The following ENPP3 variants were observed in gnomAD, a reference collection of about 807,000 sequenced individuals.
The protein encoded by ENPP3 is ectonucleotide pyrophosphatase/phosphodiesterase 3, also known as ectonucleotide pyrophosphatase/phosphodiesterase family member 3.
ENPP3 carries 104 observed loss-of-function variants against 117.8 expected under a neutral mutation model. The ratio of observed to expected loss-of-function variants is 0.88; its 90% confidence interval spans 0.75 to 1.04. ENPP3 has a LOEUF of 1.04. Ranked by LOEUF, ENPP3 falls within the 50% of genes least tolerant of loss-of-function variation. The probability of loss-of-function intolerance (pLI) is 0.00; values close to 1 mark genes in which losing one functional copy is unlikely to be tolerated. For missense variants in ENPP3, 1,026 were observed against 1,051.9 expected (o/e 0.98, Z 0.34); for synonymous variants, 380 against 349.9 (o/e 1.09, Z -0.96).
intron 3 of ENPP3, among the ~76,000 whole-genome samples, chr6:131,651,249 T>A (rs991761606): frequency 6.6e-6 from 1 of 152,150 alleles, no homozygotes; most frequent in Admixed American, 6.5e-5. Context: ...CATTTCTAAA[T>A]AAGGTCACAT....
chr6:131,693,894 C>A (rs183289845), intron 15 of ENPP3, among the ~76,000 whole-genome samples: 35 of 152,188 alleles, frequency 2.3e-4, no homozygotes, highest in Non-Finnish European at 1.5e-5. Context: ...CACCTTCCTA[C>A]CCCCACTATG....
intron 5 of ENPP3, among the ~76,000 whole-genome samples, chr6:131,653,633 CT>C (rs1778312414): frequency 6.6e-6 from 1 of 152,060 alleles, no homozygotes; most frequent in African/African-American, 2.4e-5. Flanking sequence ...CTAGGTTGAT[CT>C]TGATCTCCTG....
At chr6:131,712,879 AC>A (rs1227954080) in intron 15 of ENPP3, among the ~76,000 whole-genome samples, 9 of 150,354 alleles carry the variant, frequency 6.0e-5, no homozygotes, top group Admixed American at 6.0e-4. Flanking sequence ...CATGTGCCTC[AC>A]CTTCCTGAAA....
intron 24 of ENPP3, among the ~76,000 whole-genome samples, chr6:131,744,149 T>A (rs1780585000): frequency 6.6e-6 from 1 of 152,236 alleles, no homozygotes; most frequent in Non-Finnish European, 1.5e-5. Flanking sequence ...CACAATTTTA[T>A]CCCACACTTG....
At chr6:131,739,850 C>A (rs1008968055) in intron 23 of ENPP3, among the ~76,000 whole-genome samples, 1 of 151,182 alleles carries the variant, frequency 6.6e-6, no homozygotes, top group Non-Finnish European at 1.5e-5. Context: ...GTGGGAGGAT[C>A]ATTTGAGCCC....
rs145928605 is a variant in ENPP3 at position 131,717,334 on chromosome 6, A to G, written c.1413-1338A>G. Among the ~76,000 whole-genome samples, 135 of 147,526 alleles carry G rather than the reference A, an allele frequency of 9.2e-4. 1 individual carries two copies. In the East Asian group the frequency reaches 0.024, roughly 26 times the overall value. ...AGTCGAGTCGAGTTTGTAAAAACAA[A>G]CAGAAACCCTGCGGGGGGTGTGTGT... On this transcript the variant is annotated intron_variant, in intron 15 of 24. Transcript: ENST00000357639.
intron 8 of ENPP3, 171 bp downstream of exon 8, chr6:131,674,452 A>G (rs1341739121): frequency 6.0e-6 from 4 of 664,108 alleles, no homozygotes; most frequent in African/African-American, 1.8e-5. Context: ...TAAAACATTT[A>G]TGGTTGTTAA....
At position 131,641,681 on chromosome 6, in the gene ENPP3, G is replaced by A. The variant is rs146083833; in HGVS notation, c.154+151G>A. ...TCTCCCTTTCCCCACTCTACTTATCGGGAGTCCACATCTGAGGTTGGCATT... is the reference window on the plus strand; with the variant it reads ...TCTCCCTTTCCCCACTCTACTTATCAGGAGTCCACATCTGAGGTTGGCATT... On this transcript the variant is annotated intron_variant, in intron 2 of 24. Coordinates refer to ENST00000357639, the MANE Select transcript of ENPP3 (RefSeq NM_005021.5). The A allele has an allele frequency of 2.3e-3, 1,232 of 534,688 alleles. 2 individuals carry two copies. Among genetic ancestry groups the A allele is most frequent in the South Asian group, 4.2e-3 (143 of 34,404 alleles). 33.1% of individuals were successfully genotyped at this position (534,688 alleles called of 1,614,324 possible).
At chr6:131,712,309 T>C (rs1245792211) in intron 15 of ENPP3, among the ~76,000 whole-genome samples, 2 of 147,340 alleles carry the variant, frequency 1.4e-5, no homozygotes, top group Non-Finnish European at 2.9e-5. Flanking sequence ...CTCAAGAATT[T>C]TGAATTTTTT....
chr6:131,659,429 G>A (rs1247538783), intron 6 of ENPP3, among the ~76,000 whole-genome samples: 1 of 152,132 alleles, frequency 6.6e-6, no homozygotes, highest in East Asian at 1.9e-4. Flanking sequence ...TCCCTCCTCC[G>A]AGGCTGTTTT....
In ENPP3 at chr6:131,746,777, C is replaced by A. The variant is rs1451718389; in HGVS notation, c.2458-9C>A. ...GTGAAAAAAAAAGTGTTGTGCTTTTCTTTTTCAGGAAGGTAAACCAGAAGC... is the reference window on the plus strand; with the variant it reads ...GTGAAAAAAAAAGTGTTGTGCTTTTATTTTTCAGGAAGGTAAACCAGAAGC... On this transcript the variant is annotated splice_polypyrimidine_tract_variant and intron_variant, in intron 24 of 24. Transcript: ENST00000357639. 26 of 1,587,772 alleles carry A rather than the reference C, an allele frequency of 1.6e-5. No individual in the cohort carries two copies. In the Middle Eastern group the frequency reaches 5.0e-4, roughly 30 times the overall value.
chr6:131,681,797 T>G (rs536774413), intron 11 of ENPP3, among the ~76,000 whole-genome samples: 8 of 152,190 alleles, frequency 5.3e-5, no homozygotes, highest in Non-Finnish European at 1.2e-4. Flanking sequence ...GTTTTCATTT[T>G]TATTGCTTAA....
chr6:131,642,904 T>C (rs973097673), intron 2 of ENPP3: 1 of 152,222 alleles, frequency 6.6e-6, no homozygotes, highest in Non-Finnish European at 1.5e-5. Context: ...GTAAAATTTT[T>C]ATGAGCAATA....
intron 6 of ENPP3, among the ~76,000 whole-genome samples, chr6:131,668,220 T>G (rs1168058437): frequency 1.4e-5 from 2 of 143,566 alleles, no homozygotes; most frequent in Non-Finnish European, 3.0e-5. Flanking sequence ...TTTTTTTTTT[T>G]TTTTTTTTTT....
At position 131,641,799 on chromosome 6, in the gene ENPP3, G is replaced by GTTTTTTTTTTTTTTTT. The variant is rs540011427; in HGVS notation, c.154+278_154+293dup. On this transcript the variant is annotated intron_variant, in intron 2 of 24. Coordinates refer to ENST00000357639, the MANE Select transcript of ENPP3 (RefSeq NM_005021.5). ...TTTTCTCTTACCTTTCTCCACCCTG[G>GTTTTTTTTTTTTTTTT]TTTTTTTTTTTTTTTTTTTTTTTTG... Among the ~76,000 whole-genome samples, 7 of 64,062 alleles carry GTTTTTTTTTTTTTTTT rather than the reference G, an allele frequency of 1.1e-4. 1 individual carries two copies. The highest frequency in any genetic ancestry group is 3.7e-4 in the African/African-American group (5 of 13,512). 42.0% of individuals were successfully genotyped at this position (64,062 alleles called of 152,430 possible). A position where few individuals can be genotyped will look rare whatever the true frequency, so the allele number is the denominator to read the frequency against.
chr6:131,679,680 T>G (rs556361008), intron 11 of ENPP3, among the ~76,000 whole-genome samples: 1 of 151,936 alleles, frequency 6.6e-6, no homozygotes, highest in African/African-American at 2.4e-5. Flanking sequence ...GTTAGGAGAC[T>G]CTCCTCTGAG....
intron 1 of ENPP3, among the ~76,000 whole-genome samples, chr6:131,638,019 G>A (rs1490222075): frequency 1.4e-5 from 2 of 142,990 alleles, no homozygotes; most frequent in African/African-American, 2.6e-5. Context: ...CCAGAAATAC[G>A]CTTATCCATT....
At chr6:131,640,705 C>A (rs1014251839) in intron 1 of ENPP3, among the ~76,000 whole-genome samples, 5 of 152,138 alleles carry the variant, frequency 3.3e-5, no homozygotes, top group African/African-American at 9.7e-5. Context: ...TTCTTTATGA[C>A]AACATACAGT....
chr6:131,723,802 T>TTCTCTCTCTCTC (rs4053085), intron 18 of ENPP3, among the ~76,000 whole-genome samples: 4 of 137,038 alleles, frequency 2.9e-5, no homozygotes, highest in Non-Finnish European at 4.6e-5. Context: ...TTTTTGCAAA[T>TTCTCTCTCTCTC]TCTCTCTCTC....
Sources: allele counts gnomAD v4.1 joint callset (sites outside exome capture counted in the v4.1 genomes callset), GRCh38; gene constraint gnomAD v4.1.1; transcripts MANE v1.5; gene names NCBI Gene and HGNC (gene_info 2026-07-23, HGNC 2026-07-21).